CSMD3: variants seen among roughly 807,000 people sequenced by gnomAD.
CSMD3 encodes CUB and sushi domain-containing protein 3.
Under a neutral mutation model 435.2 loss-of-function variants are expected in CSMD3, and 177 were observed. That is an observed-to-expected ratio of 0.41 (90% CI 0.36 to 0.46). CSMD3 has a LOEUF of 0.46. CSMD3 is among the 20% of genes least tolerant of loss of function. The pLI is 0.34. For missense variants in CSMD3, 4,265 were observed against 4,504.6 expected, an observed-to-expected ratio of 0.95 and a Z score of 1.52; for synonymous variants, 1,656 against 1,520.5, an observed-to-expected ratio of 1.09 and a Z score of -2.07.
chr8:112,700,635 G>A (rs2076369462), intron 13 of CSMD3, among the ~76,000 whole-genome samples: 1 of 152,062 alleles, frequency 6.6e-6, no homozygotes, highest in African/African-American at 2.4e-5. Flanking sequence ...CATTTCTGTT[G>A]GCTCCTCTTC....
intron 1 of CSMD3, among the ~76,000 whole-genome samples, chr8:113,381,549 T>C (rs1048269757): frequency 9.2e-5 from 14 of 152,146 alleles, no homozygotes; most frequent in African/African-American, 3.1e-4. Flanking sequence ...AAAACCTCAT[T>C]TTAATGCGCT....
At chr8:112,794,479 G>A (rs1219288486) in intron 13 of CSMD3, among the ~76,000 whole-genome samples, 1 of 151,686 alleles carries the variant, frequency 6.6e-6, no homozygotes. Context: ...ATTTTTAGTA[G>A]AGATAGGGTT....
intron 18 of CSMD3, among the ~76,000 whole-genome samples, chr8:112,650,640 A>G (rs1190511245): frequency 6.6e-6 from 1 of 152,224 alleles, no homozygotes; most frequent in Non-Finnish European, 1.5e-5. Context: ...TATCACAATA[A>G]TCATAGCAAT....
At chr8:113,397,250 TC>T (rs1393976830) in intron 1 of CSMD3, among the ~76,000 whole-genome samples, 1 of 152,158 alleles carries the variant, frequency 6.6e-6, no homozygotes, top group African/African-American at 2.4e-5. Context: ...TTTGTTTTTT[TC>T]CAGACTGTTA....
At chr8:112,852,042 G>C (rs143232086) in intron 11 of CSMD3, among the ~76,000 whole-genome samples, 2 of 152,208 alleles carry the variant, frequency 1.3e-5, no homozygotes, top group African/African-American at 2.4e-5. Context: ...AATTTGCTTA[G>C]AGAAGTTATT....
intron 5 of CSMD3, among the ~76,000 whole-genome samples, chr8:113,041,216 A>AG (rs1342276332): frequency 3.1e-3 from 73 of 23,746 alleles, no homozygotes; most frequent in African/African-American, 7.6e-3. Flanking sequence ...AAAAAAAAAA[A>AG]AGGGGGGGGT....
At chr8:113,169,052 A>T (rs2092218322) in intron 4 of CSMD3, among the ~76,000 whole-genome samples, 1 of 152,058 alleles carries the variant, frequency 6.6e-6, no homozygotes, top group Admixed American at 6.6e-5. Context: ...TTCTTCTCCA[A>T]CTATTGTCTT....
At chr8:112,275,209 A>T (rs1432956361) in intron 59 of CSMD3, among the ~76,000 whole-genome samples, 1 of 152,114 alleles carries the variant, frequency 6.6e-6, no homozygotes, top group Non-Finnish European at 1.5e-5. Flanking sequence ...TACATTTTTC[A>T]CACTGCTGAT....
chr8:112,630,830 C>T lies in CSMD3; in HGVS notation c.3715+5987G>A, dbSNP rs561391768. Among the ~76,000 whole-genome samples the T allele has an allele frequency of 1.5e-3, 223 of 151,936 alleles. 1 individual carries two copies. Among genetic ancestry groups the T allele is most frequent in the Non-Finnish European group, 2.6e-3 (178 of 67,954 alleles). On this transcript the variant is annotated intron_variant, in intron 22 of 70. Coordinates refer to ENST00000297405, the MANE Select transcript of CSMD3 (RefSeq NM_198123.2). ...GTCTTAGCAGTGTAAAGTCAATGTG[C>T]TTGTGGGAGGACATCCATATGGAGA...
At chr8:112,284,971 G>C (rs2130614910) in intron 58 of CSMD3, among the ~76,000 whole-genome samples, 1 of 151,936 alleles carries the variant, frequency 6.6e-6, no homozygotes, top group East Asian at 1.9e-4. Flanking sequence ...TTTTTTATTA[G>C]TAGTTCTGTT....
intron 5 of CSMD3, 29 bp downstream of exon 5, chr8:113,098,727 T>G: frequency 6.9e-7 from 1 of 1,451,412 alleles, no homozygotes; most frequent in Non-Finnish European, 9.7e-7. Flanking sequence ...ACAACATCAA[T>G]GCAAGGTTAA....
chr8:113,208,890 A>T (rs1269121662), intron 3 of CSMD3, among the ~76,000 whole-genome samples: 1 of 152,144 alleles, frequency 6.6e-6, no homozygotes, highest in Non-Finnish European at 1.5e-5. Flanking sequence ...AAATGTAGAT[A>T]TTGAAAATAT....
chr8:112,410,590 GTATATATATATGTGTATATATATA>G (rs1832262295), intron 32 of CSMD3, among the ~76,000 whole-genome samples: 2 of 107,610 alleles, frequency 1.9e-5, no homozygotes, highest in East Asian at 2.6e-4. Flanking sequence ...ACATACATAT[GTATATATATATGTGTATATATATA>G]TGTATATATA....
chr8:112,291,062 T>C (rs1454933925), intron 56 of CSMD3, among the ~76,000 whole-genome samples: 3 of 152,000 alleles, frequency 2.0e-5, no homozygotes, highest in Non-Finnish European at 4.4e-5. Context: ...AACAAGTATA[T>C]GTGTCTCTAT....
At chr8:113,024,358 C>T (rs1448965295) in intron 5 of CSMD3, among the ~76,000 whole-genome samples, 1 of 150,672 alleles carries the variant, frequency 6.6e-6, no homozygotes, top group East Asian at 1.9e-4. Flanking sequence ...TCCGTTCATA[C>T]ATCATTGGAC....
chr8:112,880,878 T>G (rs2081428290), intron 10 of CSMD3, among the ~76,000 whole-genome samples: 1 of 151,992 alleles, frequency 6.6e-6, no homozygotes, highest in South Asian at 2.1e-4. Context: ...CTACAGGAAG[T>G]CCAGTCTTAT....
chr8:112,305,018 A>G (rs1265397982), intron 51 of CSMD3, 103 bp from the exon 52 acceptor site: 1 of 821,982 alleles, frequency 1.2e-6, no homozygotes, highest in African/African-American at 1.7e-5. Flanking sequence ...CTCTTGCACT[A>G]TACAAGGTCC....
chr8:112,935,445 T>C (rs755925678), intron 9 of CSMD3, among the ~76,000 whole-genome samples: 10 of 152,124 alleles, frequency 6.6e-5, no homozygotes, highest in Non-Finnish European at 1.5e-4. Context: ...CTGTAGAGAA[T>C]GTCATTGGTA....
At chr8:112,408,896 A>G (rs1286675624) in intron 33 of CSMD3, 23 bp downstream of exon 33, 5 of 1,613,182 alleles carry the variant, frequency 3.1e-6, no homozygotes, top group African/African-American at 1.3e-5. Flanking sequence ...TAACTGATGC[A>G]TGGCAGTTCT....
Sources: gnomAD v4.1 joint callset for allele counts (sites outside exome capture counted in the v4.1 genomes callset) on GRCh38, gnomAD v4.1.1 for gene constraint, MANE v1.5 for transcripts, NCBI Gene and HGNC (gene_info 2026-07-23, HGNC 2026-07-21) for gene names.